Variants in MYOM2 observed in about 807,000 individuals in gnomAD.
MYOM2 encodes the protein myomesin 2.
In MYOM2, 254 loss-of-function variants were observed where a neutral mutation model predicts 187.6. The observed-to-expected ratio is 1.35, with a 90% CI of 1.22 to 1.50. The LOEUF is 1.50. Ranked by LOEUF, MYOM2 falls within the 40% of genes most tolerant of loss-of-function variation. The pLI is 0.00. For missense variants in MYOM2, 2,796 were observed against 1,924.0 expected, an observed-to-expected ratio of 1.45 and a Z score of -8.48; for synonymous variants, 981 against 753.8, an observed-to-expected ratio of 1.30 and a Z score of -4.94.
chr8:2,097,065 C>T, intron 18 of MYOM2: 3 of 952,404 alleles, frequency 3.1e-6, no homozygotes, highest in Non-Finnish European at 3.8e-6. Flanking sequence ...CACACTACAG[C>T]TCCCGTCCGG....
intron 1 of MYOM2, among the ~76,000 whole-genome samples, chr8:2,046,511 G>A (rs962108719): frequency 1.3e-5 from 2 of 152,148 alleles, no homozygotes; most frequent in African/African-American, 4.8e-5. Flanking sequence ...GACGGTCTGT[G>A]CTAACAGTAC....
rs1427828431 is a variant in MYOM2, at chr8:2,077,271, C to T, written c.1262+989C>T. Reference sequence around the variant, plus strand: ...GTTGCAGTGAGCCAAGATTGCGCCACTGGACTCCAGCCTGGCAACACAGTG... The same window carrying T: ...GTTGCAGTGAGCCAAGATTGCGCCATTGGACTCCAGCCTGGCAACACAGTG... On this transcript the variant is annotated intron_variant, in intron 11 of 36. Transcript: ENST00000262113. 2.0e-5 allele frequency among the ~76,000 whole-genome samples: 3 copies of T among 152,024 alleles called. No individual in the cohort carries two copies. In the East Asian group the frequency reaches 5.8e-4, roughly 29 times the overall value.
intron 1 of MYOM2, among the ~76,000 whole-genome samples, chr8:2,049,360 A>G (rs1429219852): frequency 4.6e-5 from 7 of 152,160 alleles, no homozygotes; most frequent in Non-Finnish European, 8.8e-5. Context: ...TCCCTGTAGA[A>G]TAGGAGTTTG....
chr8:2,079,027 A>G, intron 12 of MYOM2, 94 bp downstream of exon 12: 1 of 1,239,254 alleles, frequency 8.1e-7, no homozygotes, highest in South Asian at 1.3e-5. Context: ...ACTCGATGTG[A>G]GCCCTGAGAA....
chr8:2,075,290 C>A (rs11993224), intron 10 of MYOM2, among the ~76,000 whole-genome samples: 1,868 of 152,200 alleles, frequency 0.012, 29 homozygotes, highest in African/African-American at 0.042. Flanking sequence ...TATGATGCTC[C>A]GCCCCATAAA....
chr8:2,112,265 T>A (rs1797091715), intron 25 of MYOM2, among the ~76,000 whole-genome samples: 1 of 152,082 alleles, frequency 6.6e-6, no homozygotes, highest in Non-Finnish European at 1.5e-5. Context: ...ACCCAGGTTA[T>A]ATTAAAACAG....
Position 2,059,259 on chromosome 8 carries a change from G to T in MYOM2, c.653+14G>T. 6.2e-7 allele frequency: 1 copy of T among 1,611,712 alleles called. No individual in the cohort carries two copies. Among genetic ancestry groups the T allele is most frequent in the Non-Finnish European group, 8.5e-7 (1 of 1,178,138 alleles). ...GGAGATCAACAGGTATGGCTGTGGT[G>T]GGGGCTCTGGACGCTGGCGTCCAGT... On this transcript the variant is annotated intron_variant, in intron 6 of 36. Transcript: ENST00000262113.
In MYOM2 at chr8:2,102,631, C is replaced by G. The variant is rs780725726; in HGVS notation, c.2620-36C>G. 3.5e-6 allele frequency: 5 copies of G among 1,432,508 alleles called. No individual in the cohort carries two copies. The South Asian group carries it at 5.9e-5, about 17-fold the overall frequency. 88.7% of individuals were successfully genotyped at this position (1,432,508 alleles called of 1,614,324 possible). A position where few individuals can be genotyped will look rare whatever the true frequency, so the allele number is the denominator to read the frequency against. ...AAACTCCACAGTCATCTTTATTTTA[C>G]CTCCACACATCTGGTGTTTCCTCTG... On this transcript the variant is annotated intron_variant, in intron 20 of 36. Coordinates refer to ENST00000262113, the MANE Select transcript of MYOM2 (RefSeq NM_003970.4).
chr8:2,138,388 G>A (rs186608210), intron 32 of MYOM2, among the ~76,000 whole-genome samples: 2 of 152,326 alleles, frequency 1.3e-5, no homozygotes, highest in East Asian at 1.9e-4. Context: ...GCTCTGCTGC[G>A]GGGTCAGCCT....
chr8:2,091,095 A>G (rs745523702), intron 15 of MYOM2, among the ~76,000 whole-genome samples: 7 of 133,270 alleles, frequency 5.3e-5, no homozygotes, highest in Non-Finnish European at 1.1e-4. Context: ...TTACATTCCC[A>G]CCAACAGTGT....
intron 1 of MYOM2, among the ~76,000 whole-genome samples, chr8:2,049,453 A>G (rs1195997944): frequency 6.6e-6 from 1 of 152,148 alleles, no homozygotes; most frequent in Non-Finnish European, 1.5e-5. Context: ...GCTCATAAGG[A>G]GCAATTTATG....
Position 2,085,542 on chromosome 8 carries a change from G to GCCCCACTGTCATGATCTCTGGCA in MYOM2, c.1644+172_1644+173insGCACCCCACTGTCATGATCTCTG. 2 of 318,142 alleles carry GCCCCACTGTCATGATCTCTGGCA rather than the reference G, an allele frequency of 6.3e-6. 1 individual carries two copies. Among genetic ancestry groups the GCCCCACTGTCATGATCTCTGGCA allele is most frequent in the Non-Finnish European group, 1.0e-5 (2 of 198,322 alleles). The allele number at this position is 318,142 out of a possible 1,614,324, so 19.7% of individuals were successfully genotyped here. On this transcript the variant is annotated intron_variant, in intron 14 of 36. Coordinates refer to ENST00000262113, the MANE Select transcript of MYOM2 (RefSeq NM_003970.4). ...CCCCCACTGTTGTGATCTCTGCGTGGCCCCACTGTCATGATCTCTGCGTGG... is the reference window on the plus strand; with the variant it reads ...CCCCCACTGTTGTGATCTCTGCGTGGCCCCACTGTCATGATCTCTGGCACCCCACTGTCATGATCTCTGCGTGG...
intron 6 of MYOM2, among the ~76,000 whole-genome samples, chr8:2,067,773 C>T (rs1182613426): frequency 1.3e-5 from 2 of 152,006 alleles, no homozygotes; most frequent in East Asian, 3.9e-4. Context: ...TTTGTTTTCC[C>T]AGGGATAAAC....
rs1273257105 is a variant in MYOM2, at chr8:2,100,141, C to CT, written c.2441-733dup. Among the ~76,000 whole-genome samples, 6 of 109,052 alleles carry CT rather than the reference C, an allele frequency of 5.5e-5. No individual in the cohort carries two copies. In the East Asian group the frequency reaches 1.8e-3, roughly 33 times the overall value. The allele number at this position is 109,052 out of a possible 152,430, so 71.5% of individuals were successfully genotyped here. A position where few individuals can be genotyped will look rare whatever the true frequency, so the allele number is the denominator to read the frequency against. On this transcript the variant is annotated intron_variant, in intron 19 of 36. Transcript: ENST00000262113. ...CCTTCCTTCCTTCTTTCCTTCCTTC[C>CT]TTCCTTCCTTCCTTCCTTCCTTCCT...
chr8:2,065,562 T>C (rs60709627), intron 6 of MYOM2, among the ~76,000 whole-genome samples: 2,708 of 152,216 alleles, frequency 0.018, 86 homozygotes, highest in African/African-American at 0.062. Context: ...AGTGTGAGAC[T>C]CCATCTCAAC....
In MYOM2 at chr8:2,050,875, TA is replaced by T; in HGVS notation, c.107+4del. ...GCTGGACGAATATGCGTCAAAAAAG[TA>T]AGCTGACATTCGCTGATGAGACGCG... On this transcript the variant is annotated splice_donor_region_variant and intron_variant, in intron 2 of 36. Coordinates refer to ENST00000262113, the MANE Select transcript of MYOM2 (RefSeq NM_003970.4). 1 of 1,604,990 alleles carries T rather than the reference TA, an allele frequency of 6.2e-7. No homozygotes were observed. Among genetic ancestry groups the T allele is most frequent in the Non-Finnish European group, 8.5e-7 (1 of 1,172,114 alleles).
intron 18 of MYOM2, among the ~76,000 whole-genome samples, chr8:2,097,766 C>G (rs1796543687): frequency 2.0e-5 from 3 of 152,228 alleles, no homozygotes; most frequent in Admixed American, 2.0e-4. Context: ...ATCTGCCCGC[C>G]TCAGCCTCCC....
chr8:2,113,308 C>A (rs566276539), intron 25 of MYOM2, among the ~76,000 whole-genome samples: 17 of 152,370 alleles, frequency 1.1e-4, no homozygotes, highest in South Asian at 4.1e-4. Flanking sequence ...CAATGTCAGA[C>A]ACTGTATCAT....
At chr8:2,130,173 ACGCTC>A (rs1225580787) in intron 32 of MYOM2, among the ~76,000 whole-genome samples, 19 of 121,336 alleles carry the variant, frequency 1.6e-4, no homozygotes, top group African/African-American at 7.0e-4. Flanking sequence ...ACCCCTCACT[ACGCTC>A]TACCCAGGGC....
Sources: allele counts gnomAD v4.1 joint callset (sites outside exome capture counted in the v4.1 genomes callset), GRCh38; gene constraint gnomAD v4.1.1; transcripts MANE v1.5; gene names NCBI Gene and HGNC (gene_info 2026-07-23, HGNC 2026-07-21).